Variants in ARHGAP26 observed in about 807,000 individuals in gnomAD.
ARHGAP26 encodes the protein Rho GTPase activating protein 26.
A neutral mutation model predicts 104.8 loss-of-function variants in ARHGAP26; 38 were observed. That is an observed-to-expected ratio of 0.36 (90% CI 0.28 to 0.48). The LOEUF (loss-of-function observed/expected upper bound fraction) is 0.48. Among genes scored for constraint, ARHGAP26 ranks in the 20% least tolerant of loss-of-function variants. ARHGAP26 has a pLI of 0.99. For missense variants in ARHGAP26, 704 were observed against 947.9 expected, an observed-to-expected ratio of 0.74 and a Z score of 3.38; for synonymous variants, 341 against 340.0, an observed-to-expected ratio of 1.00 and a Z score of -0.03.
chr5:143,193,554 A>T (rs768049915), intron 20 of ARHGAP26, among the ~76,000 whole-genome samples: 1 of 152,122 alleles, frequency 6.6e-6, no homozygotes, highest in African/African-American at 2.4e-5. Flanking sequence ...CCCGGCCTAC[A>T]GTGCTTATGT....
intron 11 of ARHGAP26, among the ~76,000 whole-genome samples, chr5:142,934,125 G>T (rs909245372): frequency 6.6e-6 from 1 of 152,084 alleles, no homozygotes; most frequent in African/African-American, 2.4e-5. Context: ...ATAAGCTGGA[G>T]TTCTAAAACT....
At chr5:143,081,967 G>A (rs1040352909) in intron 17 of ARHGAP26, among the ~76,000 whole-genome samples, 20 of 136,854 alleles carry the variant, frequency 1.5e-4, no homozygotes, top group African/African-American at 2.8e-4. Context: ...CCGAGATCGC[G>A]CCACTGCGCT....
At chr5:143,063,690 A>G (rs776605870) in intron 17 of ARHGAP26, among the ~76,000 whole-genome samples, 12 of 152,072 alleles carry the variant, frequency 7.9e-5, no homozygotes, top group African/African-American at 2.7e-4. Flanking sequence ...ACCTTTTGCA[A>G]TTCATTTTCT....
rs147986767 is a variant in ARHGAP26 at position 142,855,873 on chromosome 5, A to G, written c.155-17527A>G. On this transcript the variant is annotated intron_variant, in intron 1 of 22. Coordinates refer to ENST00000645722, the MANE Select transcript of ARHGAP26 (RefSeq NM_001135608.3). ...ACTTTTTACTTACTGTTGTCTCTCC[A>G]GTGACTTATTACCAGGAATGTAGGT... Among the ~76,000 whole-genome samples, 6 of 145,328 alleles carry G rather than the reference A, an allele frequency of 4.1e-5. No individual in the cohort carries two copies. In the East Asian group the frequency reaches 1.7e-3, roughly 41 times the overall value.
chr5:143,060,651 G>C (rs1264753484), intron 17 of ARHGAP26, among the ~76,000 whole-genome samples: 2 of 151,790 alleles, frequency 1.3e-5, no homozygotes, highest in African/African-American at 2.4e-5. Flanking sequence ...TTGGAATCTA[G>C]TATACAGTCT....
At chr5:142,771,157 G>C (rs1234681284) in intron 1 of ARHGAP26, 2 of 1,292,602 alleles carry the variant, frequency 1.5e-6, no homozygotes, top group South Asian at 2.4e-5. Flanking sequence ...GACCCAGCGC[G>C]GGTGGTGCTC....
intron 10 of ARHGAP26, among the ~76,000 whole-genome samples, chr5:142,918,265 TCC>T (rs2152497523): frequency 6.6e-6 from 1 of 152,052 alleles, no homozygotes; most frequent in African/African-American, 2.4e-5. Flanking sequence ...TCCTACCTCA[TCC>T]TCCTGAGTAG....
intron 17 of ARHGAP26, among the ~76,000 whole-genome samples, chr5:143,059,091 A>T (rs1414809753): frequency 1.3e-5 from 2 of 152,236 alleles, no homozygotes; most frequent in Admixed American, 6.5e-5. Flanking sequence ...CACAACCTAG[A>T]GTCAGGCGTT....
intron 17 of ARHGAP26, among the ~76,000 whole-genome samples, chr5:143,070,278 C>A (rs1788060809): frequency 6.6e-6 from 1 of 152,194 alleles, no homozygotes; most frequent in African/African-American, 2.4e-5. Context: ...TATGAGCTTC[C>A]CTTCCAAATG....
At chr5:143,082,019 A>T (rs1469898925) in intron 17 of ARHGAP26, among the ~76,000 whole-genome samples, 5 of 151,898 alleles carry the variant, frequency 3.3e-5, no homozygotes, top group African/African-American at 1.2e-4. Context: ...CAAAAAAAAA[A>T]AAAAAAAAAA....
At chr5:142,968,370 C>A (rs910767424) in intron 11 of ARHGAP26, among the ~76,000 whole-genome samples, 1 of 152,160 alleles carries the variant, frequency 6.6e-6, no homozygotes, top group East Asian at 1.9e-4. Context: ...AAAATAAAGA[C>A]CTATAGCTTC....
At chr5:142,863,468 T>C (rs1432953640) in intron 1 of ARHGAP26, among the ~76,000 whole-genome samples, 1 of 152,224 alleles carries the variant, frequency 6.6e-6, no homozygotes, top group Non-Finnish European at 1.5e-5. Flanking sequence ...ACATGTATAG[T>C]TGGTGGCTGC....
At chr5:142,824,352 C>T (rs534505099) in intron 1 of ARHGAP26, among the ~76,000 whole-genome samples, 3 of 152,120 alleles carry the variant, frequency 2.0e-5, no homozygotes, top group Non-Finnish European at 4.4e-5. Flanking sequence ...TCCTGAGGGT[C>T]GTCCCTATCA....
intron 17 of ARHGAP26, among the ~76,000 whole-genome samples, chr5:143,081,301 G>C (rs1789776327): frequency 6.6e-6 from 1 of 152,176 alleles, no homozygotes; most frequent in African/African-American, 2.4e-5. Context: ...CAGTGAAGAT[G>C]GGAAGGAACA....
chr5:143,204,241 G>A (rs1024640660), intron 20 of ARHGAP26, among the ~76,000 whole-genome samples: 2 of 152,162 alleles, frequency 1.3e-5, no homozygotes, highest in South Asian at 2.1e-4. Context: ...TTGCATTTGA[G>A]GCCAGGCATG....
At chr5:142,985,000 A>G (rs1774461366) in intron 11 of ARHGAP26, among the ~76,000 whole-genome samples, 1 of 152,100 alleles carries the variant, frequency 6.6e-6, no homozygotes, top group Non-Finnish European at 1.5e-5. Flanking sequence ...ATCATAGACG[A>G]CAGCTCTATG....
intron 10 of ARHGAP26, among the ~76,000 whole-genome samples, chr5:142,930,551 C>T (rs777998475): frequency 2.0e-5 from 3 of 152,092 alleles, no homozygotes; most frequent in East Asian, 1.9e-4. Flanking sequence ...ATCATCAACA[C>T]GCCCACTCAT....
At chr5:143,155,677 G>A (rs1800393226) in intron 20 of ARHGAP26, among the ~76,000 whole-genome samples, 1 of 152,162 alleles carries the variant, frequency 6.6e-6, no homozygotes, top group African/African-American at 2.4e-5. Flanking sequence ...CCGTTTGAAT[G>A]CCTAGCCACA....
intron 14 of ARHGAP26, among the ~76,000 whole-genome samples, chr5:143,053,661 C>G (rs1374169863): frequency 6.6e-6 from 1 of 152,154 alleles, no homozygotes; most frequent in Non-Finnish European, 1.5e-5. Flanking sequence ...CAAGAAGAGA[C>G]AAAAGAAATT....
Sources: gnomAD v4.1 joint callset for allele counts (sites outside exome capture counted in the v4.1 genomes callset) on GRCh38, gnomAD v4.1.1 for gene constraint, MANE v1.5 for transcripts, NCBI Gene and HGNC (gene_info 2026-07-23, HGNC 2026-07-21) for gene names.